CFAP54: variants seen among roughly 807,000 people sequenced by gnomAD.
The protein encoded by CFAP54 is cilia- and flagella-associated protein 54.
CFAP54 carries 290 observed loss-of-function variants against 370.4 expected under a neutral mutation model. That is an observed-to-expected ratio of 0.78 (90% CI 0.71 to 0.86). The LOEUF (loss-of-function observed/expected upper bound fraction) is 0.86, where lower values mean the gene tolerates loss of function less well. Among genes scored for constraint, CFAP54 ranks in the 40% least tolerant of loss-of-function variants. The pLI, the probability that CFAP54 is intolerant of heterozygous loss-of-function variation, is 0.00. For synonymous variants in CFAP54, 1,206 were observed against 1,236.5 expected (o/e 0.98, Z 0.52); for missense variants, 3,399 against 3,528.7 (o/e 0.96, Z 0.93).
chr12:96,874,638 T>A lies in CFAP54; in HGVS notation c.*15-480T>A, dbSNP rs575719951. Among the ~76,000 whole-genome samples, 9 of 86,600 alleles carry A rather than the reference T, an allele frequency of 1.0e-4. 1 individual carries two copies. Among genetic ancestry groups the A allele is most frequent in the South Asian group, 3.5e-4 (1 of 2,844 alleles). 56.8% of individuals were successfully genotyped at this position (86,600 alleles called of 152,430 possible). A position where few individuals can be genotyped will look rare whatever the true frequency, so the allele number is the denominator to read the frequency against. ...TTTTTTTTATTTTTATTTTATTTTT[T>A]TTTTTTTTTGAGACGGAGTCTCGCT... On this transcript the variant is annotated intron_variant, in intron 67 of 67. Transcript: ENST00000524981.
chr12:96,640,561 AT>A (rs1468550878), intron 32 of CFAP54, among the ~76,000 whole-genome samples: 1 of 152,230 alleles, frequency 6.6e-6, no homozygotes, highest in Non-Finnish European at 1.5e-5. Context: ...TCTTCACAGA[AT>A]TGGAAAAACC....
At position 96,527,366 on chromosome 12, in the gene CFAP54, G is replaced by A. The variant is rs1381762101; in HGVS notation, c.1279G>A (p.Gly427Arg). The change falls in exon 9 of 68, where the codon GGA becomes AGA. Residue 427 changes from glycine to arginine, a missense_variant. Around this residue, in one of 3 missense-constraint regions of CFAP54, gnomAD observed 559 missense variants for 576.7 expected, o/e 0.97. Transcript: ENST00000524981. Reference protein sequence around the residue: ...SDSNRRILQTGPIVTDEVEIH... With the variant: ...SDSNRRILQTRPIVTDEVEIH... ...TTCAAATAGGCGAATACTGCAAACTGGACCCATTGTTACAGATGAAGTGGA... is the reference window on the plus strand; with the variant it reads ...TTCAAATAGGCGAATACTGCAAACTAGACCCATTGTTACAGATGAAGTGGA... 9 of 1,535,334 alleles carry A rather than the reference G, an allele frequency of 5.9e-6. No individual in the cohort carries two copies. The highest frequency in any genetic ancestry group is 7.9e-6 in the Non-Finnish European group (9 of 1,146,452).
chr12:96,827,072 AATTATATGTG>A (rs1458796691), intron 65 of CFAP54, among the ~76,000 whole-genome samples: 1 of 135,760 alleles, frequency 7.4e-6, no homozygotes, highest in Non-Finnish European at 1.5e-5. Context: ...TATAATATGC[AATTATATGTG>A]ATTATATATA....
chr12:96,712,835 A>G (rs1270169196), intron 48 of CFAP54, among the ~76,000 whole-genome samples: 1 of 152,156 alleles, frequency 6.6e-6, no homozygotes, highest in African/African-American at 2.4e-5. Context: ...ATAACCCAAT[A>G]GCAAAAGAAA....
chr12:96,623,521 G>A (rs942134104), intron 27 of CFAP54, among the ~76,000 whole-genome samples: 2 of 152,124 alleles, frequency 1.3e-5, no homozygotes, highest in African/African-American at 4.8e-5. Flanking sequence ...GAAGTTACTG[G>A]GAGAAAGGGA....
In CFAP54 at chr12:96,498,840, A is replaced by G. The variant is rs538326457; in HGVS notation, c.318-1994A>G. Among the ~76,000 whole-genome samples, 8 of 152,350 alleles carry G rather than the reference A, an allele frequency of 5.3e-5. No individual in the cohort carries two copies. In the East Asian group the frequency reaches 1.5e-3, roughly 29 times the overall value. On this transcript the variant is annotated intron_variant, in intron 1 of 67. Coordinates refer to ENST00000524981, the MANE Select transcript of CFAP54 (RefSeq NM_001306084.2). ...AAGATACTGTCAAGGGAATGAAAGG[A>G]TAAGCCACAAACTGGGAGAAAATAT... is the stretch of plus-strand genomic sequence containing the variant.
At chr12:96,522,366 T>C (rs1955330483) in intron 8 of CFAP54, among the ~76,000 whole-genome samples, 177 bp downstream of exon 8, 1 of 152,234 alleles carries the variant, frequency 6.6e-6, no homozygotes, top group African/African-American at 2.4e-5. Context: ...GCTTCATCTC[T>C]TTCTCAAAGC....
At chr12:96,656,976 G>A (rs1030752223) in intron 36 of CFAP54, among the ~76,000 whole-genome samples, 5 of 152,226 alleles carry the variant, frequency 3.3e-5, no homozygotes, top group Non-Finnish European at 5.9e-5. Context: ...GACTTCAGGT[G>A]TGCATACTGC....
Position 96,855,875 on chromosome 12 carries a change from T to TG in CFAP54, c.9172-4943dup, listed in dbSNP as rs1195408175. ...CCAGTGGGACTCTGTATGGGAGCTC[T>TG]GACCCTACATTTCTTTTCTGTACTG... On this transcript the variant is annotated intron_variant, in intron 66 of 67. Transcript: ENST00000524981. Among the ~76,000 whole-genome samples the TG allele has an allele frequency of 1.3e-3, 201 of 152,370 alleles. 5 individuals carry two copies. Among genetic ancestry groups the TG allele is most frequent in the Non-Finnish European group, 4.7e-4 (32 of 68,028 alleles).
intron 65 of CFAP54, among the ~76,000 whole-genome samples, chr12:96,818,923 A>G (rs1959003161): frequency 6.6e-6 from 1 of 152,222 alleles, no homozygotes; most frequent in African/African-American, 2.4e-5. Context: ...TAGGGAATAT[A>G]TGTTCTCCCC....
At chr12:96,528,215 C>A (rs1356719043) in intron 9 of CFAP54, among the ~76,000 whole-genome samples, 5 of 151,336 alleles carry the variant, frequency 3.3e-5, no homozygotes, top group African/African-American at 1.2e-4. Flanking sequence ...TTCTTGTATT[C>A]CTGGTTTGCT....
At chr12:96,779,259 C>A (rs577568428) in intron 60 of CFAP54, among the ~76,000 whole-genome samples, 11 of 152,144 alleles carry the variant, frequency 7.2e-5, no homozygotes, top group African/African-American at 2.7e-4. Context: ...CCCCTAGCAA[C>A]CTCTTTTCCT....
At chr12:96,538,234 A>G in intron 12 of CFAP54, 150 bp from the exon 13 acceptor site, 1 of 603,452 alleles carries the variant, frequency 1.7e-6, no homozygotes, top group Non-Finnish European at 2.7e-6. Flanking sequence ...AATGGGGAGG[A>G]TCATACTAGG....
intron 14 of CFAP54, among the ~76,000 whole-genome samples, chr12:96,547,529 G>T (rs1001897122): frequency 2.0e-5 from 3 of 152,010 alleles, no homozygotes; most frequent in African/African-American, 7.2e-5. Flanking sequence ...AGAGAAAGAT[G>T]ATATTGACTT....
chr12:96,592,526 C>A lies in CFAP54; in HGVS notation c.3249C>A (p.Ile1083=). The change falls in exon 24 of 68, where the codon ATC becomes ATA. Residue 1083 remains isoleucine, a synonymous_variant. Transcript: ENST00000524981. ...ATATTTTGGCAGAGACTTCTTCAAT[C>A]CTCTTGTACCTTTTTCTTAGAAATA... ...HSDILAETSS[I]LLYLFLRNIF... 1.1e-6 allele frequency: 1 copy of A among 902,736 alleles called. No homozygotes were observed. The highest frequency in any genetic ancestry group is 1.6e-6 in the Non-Finnish European group (1 of 619,242). 55.9% of individuals were successfully genotyped at this position (902,736 alleles called of 1,614,324 possible).
intron 39 of CFAP54, among the ~76,000 whole-genome samples, chr12:96,669,934 T>G (rs1455562150): frequency 6.6e-6 from 1 of 152,028 alleles, no homozygotes; most frequent in African/African-American, 2.4e-5. Flanking sequence ...GCACCAACAT[T>G]TAGGAAGCTG....
intron 26 of CFAP54, among the ~76,000 whole-genome samples, chr12:96,615,666 GA>G (rs538801584): frequency 6.6e-6 from 1 of 152,002 alleles, no homozygotes; most frequent in Non-Finnish European, 1.5e-5. Context: ...AAATTTACAA[GA>G]AAAAAATAAA....
At chr12:96,720,362 T>C in intron 49 of CFAP54, 43 bp from the exon 50 acceptor site, 6 of 1,326,328 alleles carry the variant, frequency 4.5e-6, no homozygotes, top group Non-Finnish European at 5.9e-6. Context: ...ACAGTATTTG[T>C]ATTATTTCTG....
chr12:96,518,847 T>A (rs1161905971), intron 5 of CFAP54, 81 bp from the exon 6 acceptor site: 1 of 1,272,206 alleles, frequency 7.9e-7, no homozygotes. Context: ...TGCTCACAAC[T>A]TAGAATTTGA....
Sources: gnomAD v4.1 joint callset for allele counts (sites outside exome capture counted in the v4.1 genomes callset) on GRCh38, gnomAD v4.1.1 for gene constraint, gnomAD v4.1.1 regional missense constraint, MANE v1.5 for transcripts, NCBI Gene and HGNC (gene_info 2026-07-23, HGNC 2026-07-21) for gene names.